The following MAP4K5 variants were observed in gnomAD, a reference collection of about 807,000 sequenced individuals.
MAP4K5 encodes the protein mitogen-activated protein kinase kinase kinase kinase 5.
In MAP4K5, 82 loss-of-function variants were observed where a neutral mutation model predicts 135.6. The observed-to-expected ratio is 0.60, with a 90% CI of 0.51 to 0.73. MAP4K5 has a LOEUF of 0.73. Ranked by LOEUF, MAP4K5 falls within the 30% of genes least tolerant of loss-of-function variation. The pLI is 0.00. For missense variants in MAP4K5, 907 were observed against 1,010.9 expected (o/e 0.90, Z 1.39); for synonymous variants, 347 against 335.0 (o/e 1.04, Z -0.39).
At chr14:50,508,215 T>C (rs574641220) in intron 2 of MAP4K5, among the ~76,000 whole-genome samples, 4 of 152,228 alleles carry the variant, frequency 2.6e-5, no homozygotes, top group Admixed American at 6.5e-5. Context: ...TTTTCCTCCA[T>C]CCCTCCATTC....
rs398077753 is a variant in MAP4K5, at chr14:50,473,716, C to CTTTTTTTTTT, written c.542+1351_542+1360dup. Reference sequence around the variant, plus strand: ...GTTACTGATGGCTCTTTTGGTTTCACTTTTTTTTTTTTTTTTTTTTTTTTT... The same window carrying CTTTTTTTTTT: ...GTTACTGATGGCTCTTTTGGTTTCACTTTTTTTTTTTTTTTTTTTTTTTTTTTTTTTTTTT... On this transcript the variant is annotated intron_variant, in intron 9 of 32. Transcript: ENST00000682126. Among the ~76,000 whole-genome samples the CTTTTTTTTTT allele has an allele frequency of 7.3e-5, 7 of 95,502 alleles. 2 individuals are homozygous for CTTTTTTTTTT. Among genetic ancestry groups the CTTTTTTTTTT allele is most frequent in the Admixed American group, 2.6e-4 (2 of 7,608 alleles). The allele number at this position is 95,502 out of a possible 152,430, so 62.7% of individuals were successfully genotyped here. A position where few individuals can be genotyped will look rare whatever the true frequency, so the allele number is the denominator to read the frequency against.
At chr14:50,534,477 G>A (rs888681442), upstream of MAP4K5, among the ~76,000 whole-genome samples, 1 of 152,220 alleles carries the variant, frequency 6.6e-6, no homozygotes, top group Non-Finnish European at 1.5e-5. Context: ...AGTTTGAGAC[G>A]AGGACAAATA....
chr14:50,552,022 C>T (rs1232198814), intron 1 of MAP4K5, among the ~76,000 whole-genome samples: 1 of 152,000 alleles, frequency 6.6e-6, no homozygotes, highest in Non-Finnish European at 1.5e-5. Context: ...AGCAGTCAGA[C>T]AAAAGAAAGA....
At position 50,482,424 on chromosome 14, in the gene MAP4K5, G is replaced by A. The variant is rs749124219; in HGVS notation, c.323-8C>T. On this transcript the variant is annotated splice_polypyrimidine_tract_variant and splice_region_variant and intron_variant, in intron 5 of 32. Transcript: ENST00000682126. ...CTGATAATGGTCCAGTAACTAGAAA[G>A]AAAAAGAGACCACATTGTTATACAT... 2.0e-5 allele frequency: 30 copies of A among 1,511,878 alleles called. No individual in the cohort carries two copies. In the Middle Eastern group the frequency reaches 5.7e-4, roughly 28 times the overall value. 93.7% of individuals were successfully genotyped at this position (1,511,878 alleles called of 1,614,324 possible).
chr14:50,465,540 G>A (rs1184581351), intron 11 of MAP4K5, among the ~76,000 whole-genome samples: 2 of 152,260 alleles, frequency 1.3e-5, no homozygotes, highest in Admixed American at 6.5e-5. Flanking sequence ...TGAGTATTAC[G>A]TAAGGAAGAG....
In MAP4K5 at chr14:50,513,896, T is replaced by C. The variant is rs1301319253; in HGVS notation, c.109-9039A>G. The stretch of plus-strand genomic sequence containing the variant: ...TGACTGCTTCTCAGAGTCATAATTA[T>C]GTATTCCAGATTTAAGAACATGATC... On this transcript the variant is annotated intron_variant, in intron 2 of 32. Coordinates refer to ENST00000682126, the MANE Select transcript of MAP4K5 (RefSeq NM_006575.6). 6.6e-5 allele frequency among the ~76,000 whole-genome samples: 10 copies of C among 152,180 alleles called. No individual in the cohort carries two copies. The East Asian group carries it at 1.7e-3, about 26-fold the overall frequency.
At position 50,429,190 on chromosome 14, in the gene MAP4K5, A is replaced by C; in HGVS notation, c.2233+2T>G. On this transcript the variant is annotated splice_donor_variant, in intron 29 of 32. Transcript: ENST00000682126. LOFTEE classifies it high-confidence loss of function. Reference sequence around the variant, plus strand: ...CAAAATAAAATTAAAAATAGTACTTACTGTCTAAACACACTAAAACGGTAT... The same window carrying C: ...CAAAATAAAATTAAAAATAGTACTTCCTGTCTAAACACACTAAAACGGTAT... The C allele has an allele frequency of 1.3e-6, 2 of 1,508,274 alleles. No homozygotes were observed. Among genetic ancestry groups the C allele is most frequent in the Non-Finnish European group, 1.8e-6 (2 of 1,114,628 alleles). The allele number at this position is 1,508,274 out of a possible 1,614,324, so 93.4% of individuals were successfully genotyped here. A position where few individuals can be genotyped will look rare whatever the true frequency, so the allele number is the denominator to read the frequency against.
chr14:50,448,132 A>G (rs1474722535), intron 15 of MAP4K5, among the ~76,000 whole-genome samples: 1 of 152,124 alleles, frequency 6.6e-6, no homozygotes, highest in Admixed American at 6.6e-5. Context: ...TCCCTGCCTC[A>G]GCCTCCTGAG....
intron 12 of MAP4K5, 76 bp from the exon 13 acceptor site, chr14:50,462,857 T>C (rs1595468590): frequency 2.4e-6 from 2 of 821,048 alleles, no homozygotes; most frequent in African/African-American, 3.4e-5. Context: ...TCTTCATTTT[T>C]TCATTCAGTA....
rs377766578 is a variant in MAP4K5, at chr14:50,494,273, A to T, written c.167-8079T>A. Among the ~76,000 whole-genome samples the T allele has an allele frequency of 7.2e-5, 11 of 151,960 alleles. No homozygotes were observed. In the East Asian group the frequency reaches 7.8e-4, roughly 11 times the overall value. On this transcript the variant is annotated intron_variant, in intron 3 of 32. Coordinates refer to ENST00000682126, the MANE Select transcript of MAP4K5 (RefSeq NM_006575.6). ...ACCTCCGCCTCCCGGGGTTCAAGTG[A>T]TTCTTCTGCCTCAGCCTCCCGAGTA... is the stretch of plus-strand genomic sequence containing the variant.
chr14:50,531,857 T>C (rs945863971), intron 2 of MAP4K5, 85 bp downstream of exon 2: 5 of 951,322 alleles, frequency 5.3e-6, no homozygotes, highest in Non-Finnish European at 8.2e-6. Context: ...AGCATCCTCC[T>C]CTCGCCCCAA....
intron 9 of MAP4K5, among the ~76,000 whole-genome samples, chr14:50,473,522 T>G (rs1252538822): frequency 6.6e-6 from 1 of 152,178 alleles, no homozygotes; most frequent in African/African-American, 2.4e-5. Context: ...AAACCTAGTT[T>G]GGCATATTTT....
At chr14:50,534,721 AT>A (rs1432521029), upstream of MAP4K5, among the ~76,000 whole-genome samples, 1 of 152,218 alleles carries the variant, frequency 6.6e-6, no homozygotes, top group East Asian at 1.9e-4. Context: ...TGCTATAATC[AT>A]TATTTTACTT....
rs1216584514 is a variant in MAP4K5, at chr14:50,431,452, T to C, written c.2165-2192A>G. ...AGAGTGTGATGTTCCCCTTCCTGTG[T>C]CCATGTGTTCTCATTGTTCAATTCC... On this transcript the variant is annotated intron_variant, in intron 28 of 32. Coordinates refer to ENST00000682126, the MANE Select transcript of MAP4K5 (RefSeq NM_006575.6). Among the ~76,000 whole-genome samples, 3 of 152,202 alleles carry C rather than the reference T, an allele frequency of 2.0e-5. No homozygotes were observed. In the East Asian group the frequency reaches 5.8e-4, roughly 29 times the overall value.
intron 3 of MAP4K5, among the ~76,000 whole-genome samples, chr14:50,494,432 C>T (rs907119495): frequency 1.3e-5 from 2 of 152,080 alleles, no homozygotes; most frequent in East Asian, 3.9e-4. Context: ...TCCCAAAGTG[C>T]TGGGATTACA....
At chr14:50,558,097 C>T (rs1302210415) in intron 1 of MAP4K5, among the ~76,000 whole-genome samples, 4 of 152,144 alleles carry the variant, frequency 2.6e-5, no homozygotes, top group African/African-American at 9.7e-5. Context: ...GGAATGCCAG[C>T]TACTTAATTT....
rs185960939 is a variant in MAP4K5 at position 50,501,198 on chromosome 14, T to C, written c.166+3602A>G. Among the ~76,000 whole-genome samples, 506 of 152,180 alleles carry C rather than the reference T, an allele frequency of 3.3e-3. 6 individuals carry two copies. Among genetic ancestry groups the C allele is most frequent in the Non-Finnish European group, 1.5e-3 (105 of 68,002 alleles). On this transcript the variant is annotated intron_variant, in intron 3 of 32. Transcript: ENST00000682126. ...AAATAAACCAATGAACAGTTGAAAA[T>C]TGGGGGGATGATGAGGCAGGAAGAG...
At chr14:50,483,530 G>T (rs1035747412) in intron 5 of MAP4K5, among the ~76,000 whole-genome samples, 2 of 151,806 alleles carry the variant, frequency 1.3e-5, no homozygotes, top group South Asian at 2.1e-4. Flanking sequence ...AAGAAAAAAA[G>T]TCACTTTATT....
intron 27 of MAP4K5, 28 bp downstream of exon 27, chr14:50,434,933 GA>G: frequency 7.5e-6 from 11 of 1,462,182 alleles, no homozygotes; most frequent in South Asian, 1.2e-5. Context: ...TTTTCTAAAG[GA>G]AAAAAATGTG....
Sources: allele counts gnomAD v4.1 joint callset (sites outside exome capture counted in the v4.1 genomes callset), GRCh38; gene constraint gnomAD v4.1.1; transcripts MANE v1.5; gene names NCBI Gene and HGNC (gene_info 2026-07-23, HGNC 2026-07-21).